FRMPD1: variants seen among roughly 807,000 people sequenced by gnomAD.
The protein encoded by FRMPD1 is FERM and PDZ domain containing 1.
A neutral mutation model predicts 117.8 loss-of-function variants in FRMPD1; 76 were observed. The ratio of observed to expected loss-of-function variants is 0.65; its 90% CI spans 0.54 to 0.78. The LOEUF (loss-of-function observed/expected upper bound fraction) is 0.78, where lower values mean the gene tolerates loss of function less well. Ranked by LOEUF, FRMPD1 falls within the 30% of genes least tolerant of loss-of-function variation. FRMPD1 has a pLI of 0.00. For synonymous variants in FRMPD1, 783 were observed against 770.4 expected, an observed-to-expected ratio of 1.02 and a Z score of -0.27; for missense variants, 1,786 against 1,964.5, an observed-to-expected ratio of 0.91 and a Z score of 1.72.
chr9:37,658,067 A>T (rs1026826325), intron 1 of FRMPD1, among the ~76,000 whole-genome samples: 1 of 152,092 alleles, frequency 6.6e-6, no homozygotes, highest in Non-Finnish European at 1.5e-5. Flanking sequence ...TAGTTAGGCC[A>T]CTTGGACCTT....
intron 1 of FRMPD1, among the ~76,000 whole-genome samples, chr9:37,652,712 C>G (rs1820715764): frequency 6.6e-6 from 1 of 152,200 alleles, no homozygotes; most frequent in African/African-American, 2.4e-5. Flanking sequence ...TCTTTTCCCT[C>G]TTCATTCTCT....
chr9:37,699,125 G>A (rs1349239265), intron 2 of FRMPD1, among the ~76,000 whole-genome samples: 1 of 152,088 alleles, frequency 6.6e-6, no homozygotes, highest in Non-Finnish European at 1.5e-5. Context: ...ACTGGCCTCA[G>A]CCTCCCAAAA....
At chr9:37,683,662 C>A (rs13301564) in intron 1 of FRMPD1, among the ~76,000 whole-genome samples, 2 of 92,876 alleles carry the variant, frequency 2.2e-5, no homozygotes, top group South Asian at 3.6e-4. Context: ...GAGTGTTGTG[C>A]GAGGGAGATG....
chr9:37,666,451 T>C (rs1457092038), intron 1 of FRMPD1, among the ~76,000 whole-genome samples: 1 of 152,194 alleles, frequency 6.6e-6, no homozygotes, highest in Non-Finnish European at 1.5e-5. Flanking sequence ...ATCGTCTTCA[T>C]GCTAAGCTGA....
At chr9:37,603,645 T>TTTTTG in the FRMPD1 span, among the ~76,000 whole-genome samples, 670 of 151,694 alleles carry the variant, frequency 4.4e-3, 7 homozygotes, top group African/African-American at 0.015. Flanking sequence ...GCTAATAGGT[T>TTTTTG]TTTTGTTTTG....
the FRMPD1 span, among the ~76,000 whole-genome samples, chr9:37,642,704 A>G: frequency 2.6e-5 from 4 of 152,170 alleles, no homozygotes; most frequent in Non-Finnish European, 5.9e-5. Flanking sequence ...TCTTTATTCT[A>G]GGAGTTCAGA....
rs751482715 is a variant in FRMPD1, at chr9:37,733,478, A to C, written c.1001A>C (p.Asp334Ala). 3 of 1,613,230 alleles carry C rather than the reference A, an allele frequency of 1.9e-6. No homozygotes were observed. The South Asian group carries it at 3.3e-5, about 18-fold the overall frequency. The change falls in exon 11 of 16, where the codon GAC becomes GCC. Residue 334 changes from aspartate to alanine, a missense_variant. By Grantham distance (126) the Asp-to-Ala change is moderately radical. Coordinates refer to ENST00000377765, the MANE Select transcript of FRMPD1 (RefSeq NM_014907.3). ...QKISLKYIEK[D>A]WGIENFISPT... ...TCTCCAATGTCTCATGGCAGGAAAGACTGGGGAATAGAGAACTTTATATCT... is the reference window on the plus strand; with the variant it reads ...TCTCCAATGTCTCATGGCAGGAAAGCCTGGGGAATAGAGAACTTTATATCT...
intron 2 of FRMPD1, 54 bp downstream of exon 2, chr9:37,692,796 G>T (rs890610359): frequency 2.3e-5 from 30 of 1,279,218 alleles, no homozygotes; most frequent in Middle Eastern, 3.7e-4. Context: ...TGTCCCGGGG[G>T]AGGAGCTTGT....
rs558610894 is a variant in FRMPD1 at position 37,689,340 on chromosome 9, T to A, written c.-4-3298T>A. 3.3e-5 allele frequency among the ~76,000 whole-genome samples: 5 copies of A among 152,270 alleles called. No individual in the cohort carries two copies. The South Asian group carries it at 8.3e-4, about 25-fold the overall frequency. On this transcript the variant is annotated intron_variant, in intron 1 of 15. Transcript: ENST00000377765. ...AGCAGTGAACTATAATTTTATTTTC[T>A]TATACAACTTTTTATTTTCCTTGGA...
At chr9:37,722,723 G>A (rs192731401) in intron 6 of FRMPD1, among the ~76,000 whole-genome samples, 3 of 152,022 alleles carry the variant, frequency 2.0e-5, no homozygotes, top group East Asian at 1.9e-4. Context: ...CAGCCCCACG[G>A]GCCCTTTGTA....
the FRMPD1 span, among the ~76,000 whole-genome samples, chr9:37,622,633 T>C: frequency 2.0e-5 from 3 of 152,224 alleles, no homozygotes; most frequent in Admixed American, 2.0e-4. Flanking sequence ...TTAGAAATGA[T>C]AAGAAACAGC....
chr9:37,698,743 T>C (rs569526094), intron 2 of FRMPD1, among the ~76,000 whole-genome samples: 5 of 151,470 alleles, frequency 3.3e-5, no homozygotes, highest in African/African-American at 1.2e-4. Flanking sequence ...TGTATTTTTT[T>C]AAATTTATTT....
At chr9:37,641,870 G>A in the FRMPD1 span, among the ~76,000 whole-genome samples, 3 of 152,264 alleles carry the variant, frequency 2.0e-5, no homozygotes, top group Admixed American at 6.5e-5. Flanking sequence ...ACTCTACAAG[G>A]GGCTTCTGTT....
chr9:37,662,364 T>TG (rs1051310975), intron 1 of FRMPD1, among the ~76,000 whole-genome samples: 16 of 152,260 alleles, frequency 1.1e-4, no homozygotes, highest in African/African-American at 3.9e-4. Context: ...ACATGAACTT[T>TG]GGGGGGTACA....
At chr9:37,628,836 G>A in the FRMPD1 span, among the ~76,000 whole-genome samples, 5 of 152,196 alleles carry the variant, frequency 3.3e-5, no homozygotes, top group Admixed American at 2.6e-4. Flanking sequence ...ATGGAGATCA[G>A]GTCAGTGATT....
rs756689485 is a variant in FRMPD1 at position 37,738,835 on chromosome 9, GC to G, written c.1550-1242del. On this transcript the variant is annotated intron_variant, in intron 14 of 15. Coordinates refer to ENST00000377765, the MANE Select transcript of FRMPD1 (RefSeq NM_014907.3). ...TGAAGAACATGCTGGAGTTAACCAG[GC>G]ACGGAAAAGGAAGACAGATCATTCA... 9.2e-5 allele frequency among the ~76,000 whole-genome samples: 14 copies of G among 152,270 alleles called. 1 individual carries two copies. Among genetic ancestry groups the G allele is most frequent in the Admixed American group, 6.5e-4 (10 of 15,290 alleles).
At chr9:37,677,951 C>A (rs574540753) in intron 1 of FRMPD1, among the ~76,000 whole-genome samples, 1 of 152,314 alleles carries the variant, frequency 6.6e-6, no homozygotes, top group African/African-American at 2.4e-5. Context: ...TCCCCCACAG[C>A]CCCTGTACTT....
At chr9:37,669,964 G>A (rs1821293048) in intron 1 of FRMPD1, 1 of 150,872 alleles carries the variant, frequency 6.6e-6, no homozygotes, top group African/African-American at 2.4e-5. Context: ...TTGCACTCCA[G>A]CCTGGGCAAC....
rs115706207 is a variant in FRMPD1, at chr9:37,655,100, G to T, written c.-5+4006G>T. Among the ~76,000 whole-genome samples the T allele has an allele frequency of 4.1e-3, 630 of 152,266 alleles. 4 individuals carry two copies. The highest frequency in any genetic ancestry group is 0.014 in the African/African-American group (594 of 41,540). The stretch of plus-strand genomic sequence containing the variant: ...TACTGGCTGTGCCCGCTTGCTGCGG[G>T]GTACCCTTCAGCCATCATCCCCTCC... On this transcript the variant is annotated intron_variant, in intron 1 of 15. Coordinates refer to ENST00000377765, the MANE Select transcript of FRMPD1 (RefSeq NM_014907.3).
Sources: gnomAD v4.1 joint callset for allele counts (sites outside exome capture counted in the v4.1 genomes callset) on GRCh38, gnomAD v4.1.1 for gene constraint, MANE v1.5 for transcripts, NCBI Gene and HGNC (gene_info 2026-07-23, HGNC 2026-07-21) for gene names.